Variants in ITPRID1 observed in about 807,000 individuals in gnomAD.
ITPRID1 encodes protein ITPRID1.
In ITPRID1, 96 loss-of-function variants were observed where a neutral mutation model predicts 95.4. That is an observed-to-expected ratio of 1.01 (90% CI 0.85 to 1.19). The LOEUF (loss-of-function observed/expected upper bound fraction) is 1.19. Among genes scored for constraint, ITPRID1 ranks in the 50% most tolerant of loss-of-function variants. The probability of loss-of-function intolerance (pLI) is 0.00; values close to 1 mark genes in which losing one functional copy is unlikely to be tolerated. For missense variants in ITPRID1, 1,339 were observed against 1,252.9 expected (o/e 1.07, Z -1.04); for synonymous variants, 510 against 453.6 (o/e 1.12, Z -1.58).
chr7:31,601,819 C>T (rs975769161), intron 10 of ITPRID1, among the ~76,000 whole-genome samples: 3 of 152,096 alleles, frequency 2.0e-5, no homozygotes, highest in African/African-American at 7.2e-5. Flanking sequence ...AGAGGGATAA[C>T]CAACACGAAG....
chr7:31,603,358 T>C (rs770780547), intron 10 of ITPRID1, among the ~76,000 whole-genome samples: 1 of 152,004 alleles, frequency 6.6e-6, no homozygotes, highest in Admixed American at 6.5e-5. Context: ...TCCTGTGACA[T>C]TGCAAGTAAC....
intron 9 of ITPRID1, among the ~76,000 whole-genome samples, chr7:31,579,500 A>G (rs1231344038): frequency 1.3e-5 from 2 of 152,200 alleles, no homozygotes; most frequent in African/African-American, 2.4e-5. Context: ...AAACCATAAG[A>G]TGGTAGGCAC....
At chr7:31,649,851 T>A (rs1173703455) in intron 12 of ITPRID1, among the ~76,000 whole-genome samples, 1 of 152,136 alleles carries the variant, frequency 6.6e-6, no homozygotes, top group East Asian at 1.9e-4. Context: ...GTTAAAGCCA[T>A]GAAAACAGAT....
chr7:31,642,101 C>T (rs1477625149), intron 10 of ITPRID1, 75 bp from the exon 11 acceptor site: 10 of 1,009,814 alleles, frequency 9.9e-6, no homozygotes, highest in Non-Finnish European at 1.3e-5. Flanking sequence ...TGTCAGGCAC[C>T]TAGAGGGGTT....
intron 4 of ITPRID1, 88 bp from the exon 5 acceptor site, chr7:31,554,770 T>C: frequency 8.5e-7 from 1 of 1,178,178 alleles, no homozygotes; most frequent in East Asian, 2.6e-5. Context: ...TAACTCTGCA[T>C]TTGCTCTCAC....
intron 1 of ITPRID1, chr7:31,529,616 C>T (rs1176704906): frequency 1.7e-6 from 1 of 593,426 alleles, no homozygotes; most frequent in Non-Finnish European, 2.9e-6. Context: ...TTTAGGCAAA[C>T]AGACTGTCTT....
intron 10 of ITPRID1, among the ~76,000 whole-genome samples, chr7:31,591,473 GA>G (rs1214165802): frequency 6.6e-6 from 1 of 152,180 alleles, no homozygotes; most frequent in African/African-American, 2.4e-5. Flanking sequence ...TAGCAAATTA[GA>G]AATATTAGCA....
intron 10 of ITPRID1, among the ~76,000 whole-genome samples, chr7:31,598,493 T>C (rs1160003961): frequency 1.4e-5 from 2 of 139,442 alleles, no homozygotes; most frequent in Admixed American, 1.6e-4. Context: ...AAGCTCCGCC[T>C]CCCGGGTTCA....
chr7:31,656,997 T>C (rs1791334579), downstream of ITPRID1, among the ~76,000 whole-genome samples: 1 of 150,474 alleles, frequency 6.6e-6, no homozygotes, highest in South Asian at 2.1e-4. Flanking sequence ...CAGACTGAAT[T>C]ATACCACTGG....
chr7:31,612,203 G>A (rs1369378893), intron 10 of ITPRID1, among the ~76,000 whole-genome samples: 1 of 151,874 alleles, frequency 6.6e-6, no homozygotes, highest in African/African-American at 2.4e-5. Context: ...GTCCTTTTAT[G>A]ATATTTACCT....
At chr7:31,591,366 G>A (rs143222497) in intron 10 of ITPRID1, among the ~76,000 whole-genome samples, 1,937 of 152,280 alleles carry the variant, frequency 0.013, 41 homozygotes, top group African/African-American at 0.044. Context: ...CCGGCTGTGA[G>A]ACACACATAT....
intron 10 of ITPRID1, among the ~76,000 whole-genome samples, chr7:31,605,028 C>A (rs1202872668): frequency 6.6e-6 from 1 of 152,014 alleles, no homozygotes; most frequent in Non-Finnish European, 1.5e-5. Context: ...ATCCCAGCTA[C>A]TCTGGAGGCT....
intron 1 of ITPRID1, among the ~76,000 whole-genome samples, chr7:31,543,079 C>T (rs1441314218): frequency 6.6e-6 from 1 of 152,000 alleles, no homozygotes; most frequent in Non-Finnish European, 1.5e-5. Flanking sequence ...TTGCTAATTT[C>T]CCAACTGGGT....
intron 10 of ITPRID1, among the ~76,000 whole-genome samples, chr7:31,611,329 TTTA>T (rs890427194): frequency 1.1e-4 from 17 of 151,916 alleles, no homozygotes; most frequent in South Asian, 4.1e-4. Flanking sequence ...TAATTATTGC[TTTA>T]TTGTCTTTTA....
At chr7:31,530,233 C>T (rs1783552280) in intron 1 of ITPRID1, among the ~76,000 whole-genome samples, 2 of 152,104 alleles carry the variant, frequency 1.3e-5, no homozygotes, top group Non-Finnish European at 2.9e-5. Flanking sequence ...TATTGCTATT[C>T]TTTGTACTTA....
downstream of ITPRID1, among the ~76,000 whole-genome samples, chr7:31,657,079 T>C (rs1791338298): frequency 7.7e-5 from 1 of 12,920 alleles, no homozygotes; most frequent in African/African-American, 3.1e-4. Context: ...ATGTATCATA[T>C]ATATTTTATA....
In ITPRID1 at chr7:31,643,351, G is replaced by A. The variant is rs757398010; in HGVS notation, c.1981G>A (p.Glu661Lys). 6.2e-7 allele frequency: 1 copy of A among 1,614,006 alleles called. No homozygotes were observed. Among genetic ancestry groups the A allele is most frequent in the East Asian group, 2.2e-5 (1 of 44,874 alleles). Residue 661 changes from glutamate to lysine, a missense_variant, in exon 12 of 15, where the codon GAA becomes AAA. Physicochemically the swap from Glu to Lys is moderately conservative, Grantham distance 56. Coordinates refer to ENST00000615280, the MANE Select transcript of ITPRID1 (RefSeq NM_001257967.3). ...TGCAACTGACCTTGCTCAAACATCTGAAAAGCTCATTCCCCACCTCCATAA... is the reference window on the plus strand; with the variant it reads ...TGCAACTGACCTTGCTCAAACATCTAAAAAGCTCATTCCCCACCTCCATAA... ...PYATDLAQTS[E>K]KLIPHLHKLP...
chr7:31,519,620 C>CTCTCTCTCTCTCTCTCTA, intron 1 of ITPRID1, among the ~76,000 whole-genome samples: 3 of 25,270 alleles, frequency 1.2e-4, no homozygotes, highest in Non-Finnish European at 2.2e-4. Context: ...CTCTCTCTCT[C>CTCTCTCTCTCTCTCTCTA]TATATATATA....
intron 1 of ITPRID1, among the ~76,000 whole-genome samples, chr7:31,543,111 T>C (rs2128133526): frequency 6.6e-6 from 1 of 152,204 alleles, no homozygotes; most frequent in Non-Finnish European, 1.5e-5. Context: ...GGGTGAGGCC[T>C]TTTAAGAATG....
Sources: gnomAD v4.1 joint callset for allele counts (sites outside exome capture counted in the v4.1 genomes callset) on GRCh38, gnomAD v4.1.1 for gene constraint, MANE v1.5 for transcripts, NCBI Gene and HGNC (gene_info 2026-07-23, HGNC 2026-07-21) for gene names.